ARHGEF3: variants seen among roughly 807,000 people sequenced by gnomAD.
ARHGEF3 encodes 59.8 kDA protein.
Under a neutral mutation model 63.2 loss-of-function variants are expected in ARHGEF3, and 28 were observed. The observed-to-expected ratio is 0.44, with a 90% CI of 0.33 to 0.61. The LOEUF (loss-of-function observed/expected upper bound fraction) is 0.61. Among genes scored for constraint, ARHGEF3 ranks in the 20% least tolerant of loss-of-function variants. The pLI is 0.03. For synonymous variants in ARHGEF3, 266 were observed against 254.2 expected (o/e 1.05, Z -0.44); for missense variants, 533 against 659.3 (o/e 0.81, Z 2.10).
At chr3:57,026,244 T>A (rs1010080469) in intron 2 of ARHGEF3, among the ~76,000 whole-genome samples, 12 of 152,092 alleles carry the variant, frequency 7.9e-5, no homozygotes, top group Non-Finnish European at 1.3e-4. Flanking sequence ...TACAAAAAAA[T>A]TTTTAAATTA....
chr3:57,027,858 C>CA (rs1050036314), intron 2 of ARHGEF3, among the ~76,000 whole-genome samples: 36 of 148,842 alleles, frequency 2.4e-4, no homozygotes, highest in African/African-American at 5.9e-4. Context: ...GACTCTGTCT[C>CA]AAAAAAAAAA....
At chr3:56,927,126 C>A (rs1485198458) in intron 3 of ARHGEF3, among the ~76,000 whole-genome samples, 1 of 152,236 alleles carries the variant, frequency 6.6e-6, no homozygotes, top group Non-Finnish European at 1.5e-5. Flanking sequence ...TGCGTGACCC[C>A]TGATCATTTA....
At chr3:56,991,440 C>T (rs1425772473) in intron 2 of ARHGEF3, among the ~76,000 whole-genome samples, 2 of 152,162 alleles carry the variant, frequency 1.3e-5, no homozygotes, top group African/African-American at 4.8e-5. Flanking sequence ...AGTCTGCTTA[C>T]AGGGAGGTTA....
intron 1 of ARHGEF3, among the ~76,000 whole-genome samples, chr3:57,064,912 T>G (rs1307276566): frequency 6.6e-6 from 1 of 152,206 alleles, no homozygotes; most frequent in East Asian, 1.9e-4. Flanking sequence ...TTAAAAATAG[T>G]CAACACAGTA....
intron 4 of ARHGEF3, among the ~76,000 whole-genome samples, chr3:56,818,771 G>C (rs2038361615): frequency 6.6e-6 from 1 of 152,138 alleles, no homozygotes; most frequent in African/African-American, 2.4e-5. Flanking sequence ...TGAACTGTCT[G>C]GCTGATAAAG....
Position 57,074,010 on chromosome 3 carries a change from T to A in ARHGEF3, c.-28+5216A>T, listed in dbSNP as rs200666323. ...CCAAATAAATCTTCTGGGAAGACCC[T>A]CTTCACCTCCAGCTCTCCTGATACA... On this transcript the variant is annotated intron_variant, in intron 1 of 12. Coordinates refer to the ARHGEF3 transcript ENST00000338458. 52 of 1,614,200 alleles carry A rather than the reference T, an allele frequency of 3.2e-5. No homozygotes were observed. The highest frequency in any genetic ancestry group is 4.3e-5 in the Non-Finnish European group (51 of 1,180,018).
At chr3:56,828,276 C>T (rs2038804726) in intron 4 of ARHGEF3, among the ~76,000 whole-genome samples, 1 of 152,096 alleles carries the variant, frequency 6.6e-6, no homozygotes, top group South Asian at 2.1e-4. Flanking sequence ...TGGCTCATGC[C>T]TGTAATCCCA....
chr3:56,825,450 T>A (rs1027234265), intron 4 of ARHGEF3, among the ~76,000 whole-genome samples: 3 of 152,246 alleles, frequency 2.0e-5, no homozygotes, highest in Non-Finnish European at 4.4e-5. Flanking sequence ...TCCCTCTCTA[T>A]GTTCTTTTCT....
At chr3:56,850,487 C>T (rs549384640) in intron 4 of ARHGEF3, among the ~76,000 whole-genome samples, 1 of 152,290 alleles carries the variant, frequency 6.6e-6, no homozygotes, top group African/African-American at 2.4e-5. Context: ...TGAGATAGCA[C>T]CACTGTACTG....
chr3:56,756,892 A>T lies in ARHGEF3; in HGVS notation c.205-1741T>A, dbSNP rs558109850. On this transcript the variant is annotated intron_variant, in intron 2 of 9. Coordinates refer to ENST00000296315, the MANE Select transcript of ARHGEF3 (RefSeq NM_019555.3). The stretch of plus-strand genomic sequence containing the variant: ...ACTGCCCTCGGGATGTAACTCAAAC[A>T]GCACCTCCTCTAAGAAGTCTTCACC... Among the ~76,000 whole-genome samples the T allele has an allele frequency of 2.0e-5, 3 of 152,284 alleles. No homozygotes were observed. The South Asian group carries it at 6.2e-4, about 32-fold the overall frequency.
chr3:56,732,150 G>C, intron 9 of ARHGEF3, 88 bp downstream of exon 9: 1 of 1,487,456 alleles, frequency 6.7e-7, no homozygotes, highest in Non-Finnish European at 9.2e-7. Context: ...TCAAGACCGT[G>C]GCTTTTCTCT....
At chr3:56,813,263 G>C (rs1332189589) in intron 4 of ARHGEF3, among the ~76,000 whole-genome samples, 1 of 152,206 alleles carries the variant, frequency 6.6e-6, no homozygotes, top group Non-Finnish European at 1.5e-5. Flanking sequence ...TCTTCCAGGA[G>C]AAACAATAGC....
At chr3:56,772,256 A>T (rs2036048202) in intron 2 of ARHGEF3, among the ~76,000 whole-genome samples, 1 of 152,158 alleles carries the variant, frequency 6.6e-6, no homozygotes. Context: ...GGGAAAAGCA[A>T]TGGAGAGGAA....
chr3:56,846,035 G>A (rs2039477254), intron 4 of ARHGEF3, among the ~76,000 whole-genome samples: 1 of 152,156 alleles, frequency 6.6e-6, no homozygotes, highest in Non-Finnish European at 1.5e-5. Flanking sequence ...GGATCTCTGT[G>A]TTACCCTTGT....
chr3:56,762,062 C>G (rs2035450630), intron 2 of ARHGEF3, among the ~76,000 whole-genome samples: 1 of 152,088 alleles, frequency 6.6e-6, no homozygotes, highest in African/African-American at 2.4e-5. Context: ...CATCTTTGCC[C>G]TCTAACCACC....
At chr3:56,938,775 T>C (rs1334196381) in intron 3 of ARHGEF3, 2 of 152,246 alleles carry the variant, frequency 1.3e-5, no homozygotes, top group Non-Finnish European at 1.5e-5. Flanking sequence ...GTCTCTTTGA[T>C]AAAGCTAGTG....
chr3:56,857,577 C>A (rs2108173202), intron 4 of ARHGEF3, among the ~76,000 whole-genome samples: 1 of 152,286 alleles, frequency 6.6e-6, no homozygotes, highest in South Asian at 2.1e-4. Flanking sequence ...AGGGATTGAC[C>A]TAACTCTGTA....
Position 56,773,769 on chromosome 3 carries a change from T to A in ARHGEF3, c.144A>T (p.Leu48=). The A allele has an allele frequency of 6.2e-7, 1 of 1,602,140 alleles. No homozygotes were observed. Among genetic ancestry groups the A allele is most frequent in the Non-Finnish European group, 8.5e-7 (1 of 1,175,772 alleles). ...CCTTCACGGGCGGGATGAGGTTTGC[T>A]AGCGACGTGACTCGGGAAAGGGGTT... ...RVKPLSRVTS[L]ANLIPPVKAT... The change falls in exon 2 of 10, where the codon CTA becomes CTT. Residue 48 remains leucine, a synonymous_variant. Transcript: ENST00000296315.
chr3:56,802,011 G>A (rs989298847), upstream of ARHGEF3: 2 of 1,443,268 alleles, frequency 1.4e-6, no homozygotes, highest in Non-Finnish European at 1.8e-6. Flanking sequence ...GGGAGGGGGC[G>A]GGCCGCCGGC....
Sources: gnomAD v4.1 joint callset for allele counts (sites outside exome capture counted in the v4.1 genomes callset) on GRCh38, gnomAD v4.1.1 for gene constraint, MANE v1.5 for transcripts, NCBI Gene and HGNC (gene_info 2026-07-23, HGNC 2026-07-21) for gene names.